CHST6: variants seen among roughly 807,000 people sequenced by gnomAD.
CHST6 encodes carbohydrate sulfotransferase 6, also known as N-acetylglucosamine 6-O-sulfotransferase 5.
For missense variants in CHST6, 698 were observed against 586.2 expected, an observed-to-expected ratio of 1.19 and a Z score of -1.97; for synonymous variants, 309 against 276.4, an observed-to-expected ratio of 1.12 and a Z score of -1.17.
At chr16:75,486,375 C>T (rs1158861684) in intron 1 of CHST6, among the ~76,000 whole-genome samples, 3 of 152,210 alleles carry the variant, frequency 2.0e-5, no homozygotes, top group African/African-American at 7.2e-5. Flanking sequence ...CTTCTGATAA[C>T]AGTCTCTAGG....
Position 75,479,077 on chromosome 16 carries a change from C to A in CHST6, c.752G>T (p.Arg251Leu). The A allele has an allele frequency of 6.2e-7, 1 of 1,605,802 alleles. No homozygotes were observed. The highest frequency in any genetic ancestry group is 8.5e-7 in the Non-Finnish European group (1 of 1,179,304). ...CTTGAGTGTGGCGGCCTCGGCGATG[C>A]GTACGTGGCTACGGCACACCTCGCG... is the stretch of plus-strand genomic sequence containing the variant. ...VVREVCRSHV[R>L]IAEAATLKPP... The change falls in exon 3 of 3, where the codon CGC (arginine) becomes CTC (leucine). Residue 251 changes from arginine to leucine, a missense_variant. Physicochemically the swap from Arg to Leu is moderately radical, Grantham distance 102 (BLOSUM62 -2). Coordinates refer to ENST00000332272, the MANE Select transcript of CHST6 (RefSeq NM_021615.5).
intron 1 of CHST6, among the ~76,000 whole-genome samples, chr16:75,486,133 C>T (rs2080194990): frequency 6.6e-6 from 1 of 152,242 alleles, no homozygotes; most frequent in Non-Finnish European, 1.5e-5. Flanking sequence ...CCCTGACTCC[C>T]ACTGGGAGGC....
At chr16:75,491,190 A>AAAAATATAAAT (rs1206595857) in intron 1 of CHST6, among the ~76,000 whole-genome samples, 2 of 50,076 alleles carry the variant, frequency 4.0e-5, no homozygotes, top group African/African-American at 2.2e-4. Context: ...AAAAAAAAAA[A>AAAAATATAAAT]ATATATATAT....
At position 75,474,022 on chromosome 16, in the gene CHST6, A is replaced by C. The variant is rs993952626; in HGVS notation, c.*4619T>G. The C allele has an allele frequency of 6.6e-6, 1 of 152,124 alleles. No individual in the cohort carries two copies. Among genetic ancestry groups the C allele is most frequent in the Non-Finnish European group, 1.5e-5 (1 of 68,042 alleles). 9.4% of individuals were successfully genotyped at this position (152,124 alleles called of 1,614,324 possible). A position where few individuals can be genotyped will look rare whatever the true frequency, so the allele number is the denominator to read the frequency against. ...CCCCATCTCTACTAAAAATACAAAA[A>C]AAATTAGCCGGGCGTGGTGGTGTAC... On this transcript the variant is annotated 3_prime_UTR_variant, in exon 3 of 3. Coordinates refer to ENST00000332272, the MANE Select transcript of CHST6 (RefSeq NM_021615.5).
intron 2 of CHST6, among the ~76,000 whole-genome samples, chr16:75,481,396 C>G (rs1007856526): frequency 1.3e-5 from 2 of 152,014 alleles, no homozygotes; most frequent in Non-Finnish European, 2.9e-5. Context: ...AGTTCGACAC[C>G]AACCTGGCCA....
At chr16:75,492,258 C>A (rs1213262217) in intron 1 of CHST6, among the ~76,000 whole-genome samples, 1 of 152,222 alleles carries the variant, frequency 6.6e-6, no homozygotes, top group Non-Finnish European at 1.5e-5. Context: ...TAGGGATTCT[C>A]ACAGGGCACT....
rs1421406774 is a variant in CHST6, at chr16:75,479,503, G to T, written c.326C>A (p.Ala109Asp). 1 of 1,612,908 alleles carries T rather than the reference G, an allele frequency of 6.2e-7. No homozygotes were observed. Among genetic ancestry groups the T allele is most frequent in the Admixed American group, 1.7e-5 (1 of 60,018 alleles). Reference sequence around the variant, plus strand: ...CAGGTTGCGGCGCCAAGGCAGATAGGCATCAAACACGTCCATGTCGCACAG... The same window carrying T: ...CAGGTTGCGGCGCCAAGGCAGATAGTCATCAAACACGTCCATGTCGCACAG... Reference protein sequence around the residue: ...VFLCDMDVFDAYLPWRRNLSD... With the variant: ...VFLCDMDVFDDYLPWRRNLSD... Residue 109 changes from alanine (A) to aspartate (D), a missense_variant, in exon 3 of 3, where the codon GCC becomes GAC. By Grantham distance (126) the Ala-to-Asp change is moderately radical. Coordinates refer to ENST00000332272, the MANE Select transcript of CHST6 (RefSeq NM_021615.5).
chr16:75,481,021 G>C (rs1843222893), intron 2 of CHST6, among the ~76,000 whole-genome samples: 1 of 152,108 alleles, frequency 6.6e-6, no homozygotes, highest in African/African-American at 2.4e-5. Context: ...CACTTTAGGA[G>C]GCTGAGGTGG....
chr16:75,482,103 C>T (rs2080148606), intron 1 of CHST6, among the ~76,000 whole-genome samples: 2 of 152,136 alleles, frequency 1.3e-5, no homozygotes, highest in African/African-American at 4.8e-5. Flanking sequence ...TGTTACTGTC[C>T]CTGTGCTGAG....
At chr16:75,486,125 C>G (rs1391158561) in intron 1 of CHST6, among the ~76,000 whole-genome samples, 1 of 152,252 alleles carries the variant, frequency 6.6e-6, no homozygotes, top group Non-Finnish European at 1.5e-5. Flanking sequence ...GTGCGCAGCC[C>G]TGACTCCCAC....
At chr16:75,491,074 G>C (rs1219232340) in intron 1 of CHST6, among the ~76,000 whole-genome samples, 1 of 148,298 alleles carries the variant, frequency 6.7e-6, no homozygotes, top group East Asian at 2.0e-4. Flanking sequence ...TTAAATGGGT[G>C]GATCACCTGA....
intron 1 of CHST6, among the ~76,000 whole-genome samples, chr16:75,484,650 G>C (rs2080176155): frequency 6.6e-6 from 1 of 152,180 alleles, no homozygotes; most frequent in Non-Finnish European, 1.5e-5. Flanking sequence ...AGTAGATCGA[G>C]ACCAGCCTGA....
intron 1 of CHST6, among the ~76,000 whole-genome samples, chr16:75,494,610 T>G (rs959490479): frequency 6.6e-6 from 1 of 152,192 alleles, no homozygotes; most frequent in Non-Finnish European, 1.5e-5. Flanking sequence ...CCCGCCAAGC[T>G]ACCGTCTCTC....
chr16:75,488,968 C>G lies in CHST6; in HGVS notation c.-92+5972G>C, dbSNP rs562421925. 2.0e-5 allele frequency among the ~76,000 whole-genome samples: 3 copies of G among 152,048 alleles called. No individual in the cohort carries two copies. The South Asian group carries it at 6.2e-4, about 32-fold the overall frequency. The stretch of plus-strand genomic sequence containing the variant: ...TCATGGGGGGCAGGAACAAGGAACC[C>G]CTGCAAACATCATCTATGAGGGTTT... On this transcript the variant is annotated intron_variant, in intron 1 of 2. Coordinates refer to ENST00000332272, the MANE Select transcript of CHST6 (RefSeq NM_021615.5).
intron 1 of CHST6, among the ~76,000 whole-genome samples, chr16:75,486,528 C>G (rs1288224918): frequency 1.3e-5 from 2 of 152,222 alleles, no homozygotes; most frequent in Non-Finnish European, 2.9e-5. Context: ...GCCCCCCCAG[C>G]CCACACAGAA....
intron 1 of CHST6, among the ~76,000 whole-genome samples, chr16:75,487,768 CA>C (rs1056437745): frequency 1.4e-5 from 2 of 141,124 alleles, no homozygotes; most frequent in Non-Finnish European, 3.0e-5. Flanking sequence ...CACTGCACTC[CA>C]GCCTGGGTGA....
chr16:75,479,536 G>C lies in CHST6; in HGVS notation c.293C>G (p.Ser98Cys). Residue 98 changes from serine to cysteine, a missense_variant, in exon 3 of 3, where the codon TCC becomes TGC. Transcript: ENST00000332272. ...LHMAVRDLVR[S>C]VFLCDMDVFD... Reference sequence around the variant, plus strand: ...CACGTCCATGTCGCACAGGAAGACGGAGCGCACCAGGTCGCGCACAGCCAT... The same window carrying C: ...CACGTCCATGTCGCACAGGAAGACGCAGCGCACCAGGTCGCGCACAGCCAT... 3 of 1,612,882 alleles carry C rather than the reference G, an allele frequency of 1.9e-6. 1 individual carries two copies. The South Asian group carries it at 3.3e-5, about 18-fold the overall frequency.
rs190632251 is a variant in CHST6, at chr16:75,481,926, A to G, written c.-91-35T>C. Reference sequence around the variant, plus strand: ...CAGGAGGGCGATGGAGTCACACTCTACAGGGGAAGATAGCCCCAAAAGCGA... The same window carrying G: ...CAGGAGGGCGATGGAGTCACACTCTGCAGGGGAAGATAGCCCCAAAAGCGA... On this transcript the variant is annotated intron_variant, in intron 1 of 2. Coordinates refer to ENST00000332272, the MANE Select transcript of CHST6 (RefSeq NM_021615.5). 4.2e-4 allele frequency: 194 copies of G among 458,138 alleles called. 1 individual carries two copies. Among genetic ancestry groups the G allele is most frequent in the Middle Eastern group, 2.1e-3 (3 of 1,424 alleles). The allele number at this position is 458,138 out of a possible 1,614,324, so 28.4% of individuals were successfully genotyped here.
chr16:75,488,866 A>G (rs905835567), intron 1 of CHST6, among the ~76,000 whole-genome samples: 1 of 152,004 alleles, frequency 6.6e-6, no homozygotes, highest in Admixed American at 6.6e-5. Context: ...CAGCCTGGGC[A>G]ACAAGAGTGA....
Sources: allele counts gnomAD v4.1 joint callset (sites outside exome capture counted in the v4.1 genomes callset), GRCh38; gene constraint gnomAD v4.1.1; transcripts MANE v1.5; gene names NCBI Gene and HGNC (gene_info 2026-07-23, HGNC 2026-07-21).